The following MAP3K1 variants were observed in gnomAD, a reference collection of about 807,000 sequenced individuals.
The protein encoded by MAP3K1 is mitogen-activated protein kinase kinase kinase 1, also known as MAP/ERK kinase kinase 1.
MAP3K1 carries 36 observed loss-of-function variants against 144.2 expected under a neutral mutation model. That is an observed-to-expected ratio of 0.25 (90% CI 0.19 to 0.33). The LOEUF (loss-of-function observed/expected upper bound fraction) is 0.33, where lower values mean the gene tolerates loss of function less well. Among genes scored for constraint, MAP3K1 ranks in the 10% least tolerant of loss-of-function variants. MAP3K1 has a pLI of 1.00. For synonymous variants in MAP3K1, 718 were observed against 688.7 expected (o/e 1.04, Z -0.67); for missense variants, 1,650 against 1,881.9 (o/e 0.88, Z 2.28).
intron 1 of MAP3K1, among the ~76,000 whole-genome samples, chr5:56,842,985 T>G (rs1746862410): frequency 6.6e-6 from 1 of 152,154 alleles, no homozygotes; most frequent in Non-Finnish European, 1.5e-5. Flanking sequence ...GCTTCTTACC[T>G]TATCTATCCA....
chr5:56,865,894 C>T lies in MAP3K1; in HGVS notation c.1218C>T (p.Asn406=), dbSNP rs1201359952. Residue 406 remains asparagine, a synonymous_variant, in exon 6 of 20, where the codon AAC becomes AAT. Coordinates refer to ENST00000399503, the MANE Select transcript of MAP3K1 (RefSeq NM_005921.2). ...RSSRIKAPSR[N]TIQKFVSRMS... The stretch of plus-strand genomic sequence containing the variant: ...CAAGGATCAAAGCTCCATCTCGTAA[C>T]ACCATCCAGAAGTTTGTTTCACGCA... 3 of 1,613,478 alleles carry T rather than the reference C, an allele frequency of 1.9e-6. No homozygotes were observed. Among genetic ancestry groups the T allele is most frequent in the South Asian group, 1.1e-5 (1 of 91,076 alleles).
At position 56,864,862 on chromosome 5, in the gene MAP3K1, G is replaced by A. The variant is rs377226281; in HGVS notation, c.963G>A (p.Gln321=). ...VMRARLYLLQ[Q]IGPNSFLIGG... ...GGGCCAGACTGTACTTACTGCAGCA[G>A]ATAGGGCCTAACTCTTTCCTGATTG... Residue 321 remains glutamine, a synonymous_variant, in exon 4 of 20, where the codon CAG becomes CAA. Transcript: ENST00000399503. 64 of 1,614,086 alleles carry A rather than the reference G, an allele frequency of 4.0e-5. No individual in the cohort carries two copies. In the African/African-American group the frequency reaches 7.6e-4, roughly 19 times the overall value.
Position 56,875,204 on chromosome 5 carries a change from G to C in MAP3K1, c.1859G>C (p.Ser620Thr), listed in dbSNP as rs1172032327. 1 of 1,614,054 alleles carries C rather than the reference G, an allele frequency of 6.2e-7. No individual in the cohort carries two copies. The highest frequency in any genetic ancestry group is 8.5e-7 in the Non-Finnish European group (1 of 1,180,030). The change falls in exon 10 of 20, where the codon AGT becomes ACT. Residue 620 changes from serine to threonine, a missense_variant. This residue lies in a region of MAP3K1 where 841 missense variants were observed against 886.5 expected (regional missense o/e 0.95). Coordinates refer to ENST00000399503, the MANE Select transcript of MAP3K1 (RefSeq NM_005921.2). ...AGCAGCCCGAGTGGGGGAGCCACCAGTGGGTCTTCCCAGACCAGTATCTCA... is the reference window on the plus strand; with the variant it reads ...AGCAGCCCGAGTGGGGGAGCCACCACTGGGTCTTCCCAGACCAGTATCTCA... ...SGSSPSGGAT[S>T]GSSQTSISGD...
chr5:56,826,622 T>A (rs1330816815), intron 1 of MAP3K1, among the ~76,000 whole-genome samples: 1 of 152,176 alleles, frequency 6.6e-6, no homozygotes, highest in African/African-American at 2.4e-5. Flanking sequence ...ATCACAAGAT[T>A]TATGTCAGCT....
chr5:56,888,322 G>A lies in MAP3K1; in HGVS notation c.4354G>A (p.Glu1452Lys). The A allele has an allele frequency of 1.2e-6, 2 of 1,614,010 alleles. No homozygotes were observed. The highest frequency in any genetic ancestry group is 8.5e-7 in the Non-Finnish European group (1 of 1,179,956). Residue 1452 changes from glutamate (E) to lysine (K), a missense_variant, in exon 19 of 20, where the codon GAA becomes AAA. By Grantham distance (56) the Glu-to-Lys change is moderately conservative. Transcript: ENST00000399503. ...TTGTGCAAAACCACCATGGAATGCA[G>A]AAAAACACTCCAATCATCTTGCTTT... ...MACAKPPWNA[E>K]KHSNHLALIF... is the part of the protein sequence containing the mutation.
chr5:56,889,703 AT>A (rs1748488889), intron 19 of MAP3K1, among the ~76,000 whole-genome samples: 1 of 152,136 alleles, frequency 6.6e-6, no homozygotes, highest in African/African-American at 2.4e-5. Flanking sequence ...TAGGAAAATT[AT>A]TTTTTGTGTC....
intron 1 of MAP3K1, among the ~76,000 whole-genome samples, chr5:56,844,607 C>G (rs924055226): frequency 5.3e-5 from 8 of 152,074 alleles, no homozygotes; most frequent in East Asian, 1.9e-4. Flanking sequence ...TTTCAGGACT[C>G]TCCTAGATAA....
chr5:56,820,652 G>A (rs1421894995), intron 1 of MAP3K1: 2 of 985,144 alleles, frequency 2.0e-6, no homozygotes, highest in Non-Finnish European at 2.4e-6. Context: ...AATTAATATG[G>A]TTCATTCATG....
At chr5:56,854,737 A>G (rs1747284600) in intron 1 of MAP3K1, among the ~76,000 whole-genome samples, 1 of 152,212 alleles carries the variant, frequency 6.6e-6, no homozygotes, top group Non-Finnish European at 1.5e-5. Flanking sequence ...CTGAAAATCC[A>G]TAGCAGAGAA....
At chr5:56,820,764 G>A in intron 1 of MAP3K1, 1 of 985,390 alleles carries the variant, frequency 1.0e-6, no homozygotes, top group South Asian at 4.7e-5. Flanking sequence ...CTGCAAGGTG[G>A]TGGTCTTGAG....
intron 1 of MAP3K1, among the ~76,000 whole-genome samples, chr5:56,840,556 CAG>C (rs1338764447): frequency 4.6e-5 from 7 of 152,290 alleles, no homozygotes; most frequent in African/African-American, 1.4e-4. Context: ...GATTTGCACT[CAG>C]AAAACTAGTA....
chr5:56,856,019 T>G (rs1747334018), intron 1 of MAP3K1, among the ~76,000 whole-genome samples: 1 of 152,202 alleles, frequency 6.6e-6, no homozygotes, highest in African/African-American at 2.4e-5. Flanking sequence ...TTTTATGGAG[T>G]AAAGATCAAA....
intron 1 of MAP3K1, among the ~76,000 whole-genome samples, chr5:56,837,425 T>C (rs1014087928): frequency 3.9e-5 from 6 of 152,168 alleles, no homozygotes; most frequent in Admixed American, 3.3e-4. Context: ...CTGTCATTTT[T>C]CCCAAGAGTG....
chr5:56,880,713 G>A lies in MAP3K1; in HGVS notation c.2090G>A (p.Arg697His), dbSNP rs1305030339. The part of the protein sequence containing the change: ...ILVKCADANS[R>H]TSQLSISTLL... ...TGTTGCTTTTCCTTTGTTTTTAGCC[G>A]CACAAGTCAGCTGTCCATATCAACA... The change falls in exon 12 of 20, where the codon CGC becomes CAC. Residue 697 changes from arginine to histidine, a missense_variant and splice_region_variant. Arg to His is a conservative substitution (Grantham distance 29). Around this residue, in one of 6 missense-constraint regions of MAP3K1, gnomAD observed 841 missense variants for 886.5 expected, o/e 0.95. Transcript: ENST00000399503. 17 of 1,611,778 alleles carry A rather than the reference G, an allele frequency of 1.1e-5. No individual in the cohort carries two copies. Among genetic ancestry groups the A allele is most frequent in the Admixed American group, 1.7e-5 (1 of 59,944 alleles).
In MAP3K1 at chr5:56,851,618, G is replaced by A. The variant is rs142518345; in HGVS notation, c.483-4982G>A. 3.7e-3 allele frequency among the ~76,000 whole-genome samples: 568 copies of A among 152,068 alleles called. 7 individuals are homozygous for A. Among genetic ancestry groups the A allele is most frequent in the African/African-American group, 0.013 (532 of 41,450 alleles). On this transcript the variant is annotated intron_variant, in intron 1 of 19. Coordinates refer to ENST00000399503, the MANE Select transcript of MAP3K1 (RefSeq NM_005921.2). ...CTACTTATTACCTTGCTCTGTTTCC[G>A]TGTTAAGTGCCACTCTTCCTGCAGT...
chr5:56,891,597 A>G (rs1187084359), intron 19 of MAP3K1, among the ~76,000 whole-genome samples: 1 of 152,166 alleles, frequency 6.6e-6, no homozygotes, highest in Non-Finnish European at 1.5e-5. Flanking sequence ...GGTGTTTTAG[A>G]CATGAAGTCC....
rs551910560 is a variant in MAP3K1 at position 56,880,988 on chromosome 5, A to G, written c.2180-95A>G. 8.8e-6 allele frequency: 10 copies of G among 1,137,362 alleles called. No individual in the cohort carries two copies. The African/African-American group carries it at 1.2e-4, about 14-fold the overall frequency. The allele number at this position is 1,137,362 out of a possible 1,614,324, so 70.5% of individuals were successfully genotyped here. ...GAGAAATTCTTTAAAATAGTTCAGA[A>G]TATTTTTGTTGGCCTTACACCATTT... is the stretch of plus-strand genomic sequence containing the variant. On this transcript the variant is annotated intron_variant, in intron 12 of 19. Transcript: ENST00000399503.
At chr5:56,892,375 T>G (rs1313502781) in intron 19 of MAP3K1, among the ~76,000 whole-genome samples, 2 of 152,204 alleles carry the variant, frequency 1.3e-5, no homozygotes, top group Non-Finnish European at 2.9e-5. Flanking sequence ...CACATTGATT[T>G]TGTATCCTGA....
chr5:56,840,251 G>A (rs1243889552), intron 1 of MAP3K1, among the ~76,000 whole-genome samples: 1 of 152,134 alleles, frequency 6.6e-6, no homozygotes, highest in South Asian at 2.1e-4. Context: ...AAGTTCAAAC[G>A]ATTCTCCTGC....
Sources: gnomAD v4.1 joint callset for allele counts (sites outside exome capture counted in the v4.1 genomes callset) on GRCh38, gnomAD v4.1.1 for gene constraint, gnomAD v4.1.1 regional missense constraint, MANE v1.5 for transcripts, NCBI Gene and HGNC (gene_info 2026-07-23, HGNC 2026-07-21) for gene names.